Variants in LINGO2 observed in about 807,000 individuals in gnomAD.
LINGO2 encodes the protein leucine rich repeat and Ig domain containing 2.
In LINGO2, 14 loss-of-function variants were observed where a neutral mutation model predicts 30.6. The ratio of observed to expected loss-of-function variants is 0.46; its 90% CI spans 0.30 to 0.72. The LOEUF (loss-of-function observed/expected upper bound fraction) is 0.72, where lower values mean the gene tolerates loss of function less well. Ranked by LOEUF, LINGO2 falls within the 30% of genes least tolerant of loss-of-function variation. The pLI is 0.07. For missense variants in LINGO2, 729 were observed against 751.7 expected, an observed-to-expected ratio of 0.97 and a Z score of 0.35; for synonymous variants, 317 against 288.5, an observed-to-expected ratio of 1.10 and a Z score of -1.00.
chr9:28,840,194 CT>C, the LINGO2 span, among the ~76,000 whole-genome samples: 4 of 151,982 alleles, frequency 2.6e-5, no homozygotes, highest in African/African-American at 9.7e-5. Flanking sequence ...GCGGCTGTGG[CT>C]GCACCCAGGA....
At chr9:28,904,979 A>T in the LINGO2 span, among the ~76,000 whole-genome samples, 1 of 152,056 alleles carries the variant, frequency 6.6e-6, no homozygotes, top group Non-Finnish European at 1.5e-5. Flanking sequence ...CCACGCATTT[A>T]TAGACAATTA....
chr9:29,190,566 G>T, the LINGO2 span, among the ~76,000 whole-genome samples: 1 of 152,146 alleles, frequency 6.6e-6, no homozygotes. Context: ...AAATAGGTAA[G>T]AAGTGCTGCT....
At chr9:28,425,080 C>G (rs1587653808) in intron 2 of LINGO2, among the ~76,000 whole-genome samples, 1 of 151,662 alleles carries the variant, frequency 6.6e-6, no homozygotes, top group Non-Finnish European at 1.5e-5. Flanking sequence ...GTGCAGGGCC[C>G]TAGTGTTTTT....
upstream of LINGO2, among the ~76,000 whole-genome samples, chr9:28,675,212 C>G (rs1829171567): frequency 6.6e-6 from 1 of 152,134 alleles, no homozygotes; most frequent in African/African-American, 2.4e-5. Flanking sequence ...CATTTATTTT[C>G]TCACGATTAC....
At chr9:28,596,357 TTG>T (rs1356772363) in intron 1 of LINGO2, among the ~76,000 whole-genome samples, 1 of 152,160 alleles carries the variant, frequency 6.6e-6, no homozygotes, top group African/African-American at 2.4e-5. Context: ...ATTTTGAAAG[TTG>T]TTTCTTTTTT....
chr9:29,024,871 T>C, the LINGO2 span, among the ~76,000 whole-genome samples: 3 of 152,162 alleles, frequency 2.0e-5, no homozygotes, highest in South Asian at 2.1e-4. Context: ...TCAACTTTGT[T>C]GAAAGTCCTC....
At chr9:29,185,590 A>C in the LINGO2 span, among the ~76,000 whole-genome samples, 2 of 152,210 alleles carry the variant, frequency 1.3e-5, no homozygotes, top group Admixed American at 1.3e-4. Context: ...CATTTTGCAA[A>C]GGTCATTTGT....
the LINGO2 span, among the ~76,000 whole-genome samples, chr9:28,844,596 A>C: frequency 6.6e-6 from 1 of 151,766 alleles, no homozygotes; most frequent in Admixed American, 6.6e-5. Context: ...ATTTTTTGTT[A>C]ATTACTACCC....
intron 5 of LINGO2, among the ~76,000 whole-genome samples, chr9:27,998,784 G>T (rs956364641): frequency 6.6e-6 from 1 of 152,146 alleles, no homozygotes; most frequent in South Asian, 2.1e-4. Flanking sequence ...GAGGGAGACT[G>T]TCTCAAAAAA....
chr9:28,338,844 A>T lies in LINGO2; in HGVS notation c.-246+33992T>A, dbSNP rs540631132. 2.5e-4 allele frequency among the ~76,000 whole-genome samples: 38 copies of T among 152,196 alleles called. 1 individual carries two copies. The South Asian group carries it at 7.7e-3, about 31-fold the overall frequency. Reference sequence around the variant, plus strand: ...TGAGTCAATTAAACCTCTTTCCTTTATAAATTACCCAGTCTAGGGTAACTT... The same window carrying T: ...TGAGTCAATTAAACCTCTTTCCTTTTTAAATTACCCAGTCTAGGGTAACTT... On this transcript the variant is annotated intron_variant, in intron 3 of 5. Transcript: ENST00000379992.
At chr9:29,197,894 T>C in the LINGO2 span, among the ~76,000 whole-genome samples, 1 of 152,108 alleles carries the variant, frequency 6.6e-6, no homozygotes, top group South Asian at 2.1e-4. Flanking sequence ...TTAAGTATCT[T>C]CAGTAATTTC....
chr9:28,919,851 T>C, the LINGO2 span, among the ~76,000 whole-genome samples: 1 of 152,212 alleles, frequency 6.6e-6, no homozygotes, highest in African/African-American at 2.4e-5. Context: ...TATATCCTTT[T>C]AGACTTCTGC....
chr9:28,784,918 A>G, the LINGO2 span, among the ~76,000 whole-genome samples: 1 of 151,596 alleles, frequency 6.6e-6, no homozygotes, highest in Non-Finnish European at 1.5e-5. Context: ...ACTGCACTCC[A>G]GCCTGGCGAC....
chr9:29,075,646 G>T, the LINGO2 span, among the ~76,000 whole-genome samples: 70 of 151,984 alleles, frequency 4.6e-4, 3 homozygotes, highest in Admixed American at 4.6e-4. Flanking sequence ...AGAAGAATTC[G>T]CATAAGGGTA....
the LINGO2 span, among the ~76,000 whole-genome samples, chr9:28,892,979 A>G: frequency 1.3e-5 from 2 of 152,090 alleles, no homozygotes; most frequent in African/African-American, 2.4e-5. Context: ...AGCAGATACT[A>G]TAAGAAATGT....
At chr9:28,589,924 C>A (rs1272890948) in intron 1 of LINGO2, among the ~76,000 whole-genome samples, 3 of 152,072 alleles carry the variant, frequency 2.0e-5, no homozygotes, top group Non-Finnish European at 4.4e-5. Flanking sequence ...CTACAGTAAC[C>A]AAAACAGCAT....
At chr9:28,056,236 G>A (rs904972256) in intron 4 of LINGO2, among the ~76,000 whole-genome samples, 2 of 152,054 alleles carry the variant, frequency 1.3e-5, no homozygotes, top group African/African-American at 2.4e-5. Flanking sequence ...GTGCCTAATG[G>A]CAAGAAACAC....
chr9:28,411,635 G>A (rs1822767544), intron 2 of LINGO2, among the ~76,000 whole-genome samples: 1 of 152,012 alleles, frequency 6.6e-6, no homozygotes, highest in South Asian at 2.1e-4. Flanking sequence ...TCCATCATAT[G>A]TAGATGCCAC....
At chr9:28,969,470 T>C in the LINGO2 span, among the ~76,000 whole-genome samples, 1 of 152,174 alleles carries the variant, frequency 6.6e-6, no homozygotes, top group South Asian at 2.1e-4. Flanking sequence ...TACTTTGGCT[T>C]TTGAGCTGAA....
Sources: allele counts gnomAD v4.1 joint callset (sites outside exome capture counted in the v4.1 genomes callset), GRCh38; gene constraint gnomAD v4.1.1; transcripts MANE v1.5; gene names NCBI Gene and HGNC (gene_info 2026-07-23, HGNC 2026-07-21).